TAFA4: variants seen among roughly 807,000 people sequenced by gnomAD.
TAFA4 encodes the protein TAFA chemokine like family member 4.
A neutral mutation model predicts 21.1 loss-of-function variants in TAFA4; 20 were observed. The ratio of observed to expected loss-of-function variants is 0.95; its 90% CI spans 0.67 to 1.38. The LOEUF (loss-of-function observed/expected upper bound fraction) is 1.38. Among genes scored for constraint, TAFA4 ranks in the 40% most tolerant of loss-of-function variants. The pLI, the probability that TAFA4 is intolerant of heterozygous loss-of-function variation, is 0.00. For missense variants in TAFA4, 211 were observed against 180.9 expected, an observed-to-expected ratio of 1.17 and a Z score of -0.95; for synonymous variants, 71 against 67.4, an observed-to-expected ratio of 1.05 and a Z score of -0.26.
chr3:68,825,000 A>G (rs1390614182), intron 3 of TAFA4, among the ~76,000 whole-genome samples: 2 of 152,206 alleles, frequency 1.3e-5, no homozygotes, highest in African/African-American at 4.8e-5. Context: ...GTTCTGGGGT[A>G]CATGTACAGG....
chr3:68,929,489 T>G (rs1310955730), intron 1 of TAFA4, among the ~76,000 whole-genome samples: 1 of 152,240 alleles, frequency 6.6e-6, no homozygotes, highest in Non-Finnish European at 1.5e-5. Flanking sequence ...TTAAGTCATC[T>G]TGCTAATCCT....
At chr3:68,785,456 GCC>G in intron 3 of TAFA4, among the ~76,000 whole-genome samples, 1 of 152,360 alleles carries the variant, frequency 6.6e-6, no homozygotes, top group African/African-American at 2.4e-5. Flanking sequence ...CCCAAGCCCT[GCC>G]CCGCGCGGGA....
At chr3:68,865,835 C>T (rs2089408953) in intron 3 of TAFA4, among the ~76,000 whole-genome samples, 1 of 151,972 alleles carries the variant, frequency 6.6e-6, no homozygotes. Context: ...GAGATGTTCC[C>T]TGAAACCACA....
intron 3 of TAFA4, among the ~76,000 whole-genome samples, chr3:68,846,190 T>C (rs1479030697): frequency 6.6e-6 from 1 of 152,094 alleles, no homozygotes; most frequent in African/African-American, 2.4e-5. Context: ...TAGTCCCAGA[T>C]TTCTTGGAGG....
At chr3:68,784,431 C>T (rs111718606) in intron 3 of TAFA4, among the ~76,000 whole-genome samples, 16 of 152,106 alleles carry the variant, frequency 1.1e-4, no homozygotes, top group East Asian at 9.7e-4. Flanking sequence ...GGTGGGTTCA[C>T]GGTCTCGCTG....
intron 3 of TAFA4, among the ~76,000 whole-genome samples, chr3:68,758,177 C>T (rs1702693153): frequency 6.6e-6 from 1 of 152,212 alleles, no homozygotes; most frequent in African/African-American, 2.4e-5. Context: ...AGTCATGGGA[C>T]ATAGCTCAGT....
At chr3:68,778,814 G>A (rs1035233105) in intron 3 of TAFA4, among the ~76,000 whole-genome samples, 2 of 152,238 alleles carry the variant, frequency 1.3e-5, no homozygotes, top group African/African-American at 2.4e-5. Flanking sequence ...ATGAAAACAG[G>A]CTAATACAAT....
chr3:68,880,120 C>T (rs2089599424), intron 3 of TAFA4, among the ~76,000 whole-genome samples: 1 of 150,622 alleles, frequency 6.6e-6, no homozygotes, highest in Non-Finnish European at 1.5e-5. Context: ...TTGATCTCGC[C>T]TTTAAAAATC....
At chr3:68,853,721 A>G (rs986104448) in intron 3 of TAFA4, among the ~76,000 whole-genome samples, 1 of 152,196 alleles carries the variant, frequency 6.6e-6, no homozygotes, top group Non-Finnish European at 1.5e-5. Flanking sequence ...GAAAGGCACA[A>G]CAAGGTAGCT....
At chr3:68,804,041 G>C (rs534853987) in intron 3 of TAFA4, among the ~76,000 whole-genome samples, 1 of 151,988 alleles carries the variant, frequency 6.6e-6, no homozygotes, top group Non-Finnish European at 1.5e-5. Context: ...ACCTGCCTCA[G>C]CCTCCCAAAG....
intron 3 of TAFA4, among the ~76,000 whole-genome samples, chr3:68,764,754 A>G (rs2106772436): frequency 6.6e-6 from 1 of 152,302 alleles, no homozygotes; most frequent in South Asian, 2.1e-4. Context: ...CAGCAGGGCC[A>G]CTAGTGGAGA....
chr3:68,806,583 G>A (rs1272446438), intron 3 of TAFA4, among the ~76,000 whole-genome samples: 2 of 152,088 alleles, frequency 1.3e-5, no homozygotes, highest in Non-Finnish European at 1.5e-5. Flanking sequence ...GTTGTTTACT[G>A]TAATGGACTA....
chr3:68,741,777 G>A (rs1352673389), intron 4 of TAFA4, among the ~76,000 whole-genome samples: 2 of 151,864 alleles, frequency 1.3e-5, no homozygotes, highest in Non-Finnish European at 1.5e-5. Flanking sequence ...GGGTGACAGA[G>A]CAAGACTCCA....
chr3:68,786,619 G>A (rs1703267337), intron 3 of TAFA4, among the ~76,000 whole-genome samples: 1 of 152,152 alleles, frequency 6.6e-6, no homozygotes, highest in Non-Finnish European at 1.5e-5. Context: ...ATAATGTACT[G>A]TATCTTGGTT....
intron 3 of TAFA4, among the ~76,000 whole-genome samples, chr3:68,816,784 G>A (rs7611315): frequency 0.036 from 5,161 of 144,176 alleles, 254 homozygotes; most frequent in East Asian, 0.23. Flanking sequence ...TTATTTCCCC[G>A]TGCATATAAA....
intron 3 of TAFA4, among the ~76,000 whole-genome samples, chr3:68,782,231 A>G (rs1345626180): frequency 3.9e-5 from 6 of 152,220 alleles, no homozygotes; most frequent in Non-Finnish European, 7.3e-5. Context: ...AATGGTCGAG[A>G]AGCATATGAA....
At chr3:68,787,358 C>T (rs1703280268) in intron 3 of TAFA4, among the ~76,000 whole-genome samples, 1 of 152,092 alleles carries the variant, frequency 6.6e-6, no homozygotes, top group South Asian at 2.1e-4. Flanking sequence ...AAGCACATGC[C>T]CTCACTGTCA....
At chr3:68,834,534 A>G (rs1704477188) in intron 3 of TAFA4, among the ~76,000 whole-genome samples, 1 of 152,086 alleles carries the variant, frequency 6.6e-6, no homozygotes, top group South Asian at 2.1e-4. Context: ...CTTGATCTTT[A>G]CCATCTTATA....
chr3:68,783,713 A>AAAAAAAAGAAAGAAAGAAAGAAAG (rs1703194628), intron 3 of TAFA4, among the ~76,000 whole-genome samples: 1 of 80,756 alleles, frequency 1.2e-5, no homozygotes, highest in Non-Finnish European at 2.4e-5. Context: ...GAGAGAAAGA[A>AAAAAAAAGAAAGAAAGAAAGAAAG]AAAGAAAGAA....
Sources: gnomAD v4.1 joint callset for allele counts (sites outside exome capture counted in the v4.1 genomes callset) on GRCh38, gnomAD v4.1.1 for gene constraint, MANE v1.5 for transcripts, NCBI Gene and HGNC (gene_info 2026-07-23, HGNC 2026-07-21) for gene names.